The following VAPA variants were observed in gnomAD, a reference collection of about 807,000 sequenced individuals.
VAPA encodes vesicle-associated membrane protein-associated protein A.
VAPA carries 6 observed loss-of-function variants against 25.6 expected under a neutral mutation model. The ratio of observed to expected loss-of-function variants is 0.23; its 90% CI spans 0.13 to 0.46. The LOEUF (loss-of-function observed/expected upper bound fraction) is 0.46. Among genes scored for constraint, VAPA ranks in the 20% least tolerant of loss-of-function variants. The pLI, the probability that VAPA is intolerant of heterozygous loss-of-function variation, is 0.99. For missense variants in VAPA, 244 were observed against 302.1 expected (o/e 0.81, Z 1.43); for synonymous variants, 112 against 106.2 (o/e 1.05, Z -0.34).
chr18:9,945,085 A>C, intron 4 of VAPA: 1 of 1,426,570 alleles, frequency 7.0e-7, no homozygotes, highest in South Asian at 1.2e-5. Flanking sequence ...TAACAGACTT[A>C]GGAGTCTACT....
rs2069524109 is a variant in VAPA at position 9,954,471 on chromosome 18, A to C, written c.*260A>C. ...GCACATTGAGTCCTTTATGAAATTC[A>C]TAAATAAAGAATTGTTCTTTCTTTG... On this transcript the variant is annotated 3_prime_UTR_variant, in exon 6 of 6. Transcript: ENST00000400000. The C allele has an allele frequency of 5.8e-6, 2 of 344,912 alleles. No individual in the cohort carries two copies. Among genetic ancestry groups the C allele is most frequent in the South Asian group, 1.8e-4 (2 of 11,318 alleles). The allele number at this position is 344,912 out of a possible 1,614,324, so 21.4% of individuals were successfully genotyped here.
At chr18:9,925,083 G>T (rs528037019) in intron 1 of VAPA, 1 of 152,206 alleles carries the variant, frequency 6.6e-6, no homozygotes, top group Admixed American at 6.5e-5. Flanking sequence ...AGAAGTAAAA[G>T]ACATGGTCCC....
intron 2 of VAPA, among the ~76,000 whole-genome samples, chr18:9,935,822 ATTGT>A (rs2069304176): frequency 6.6e-6 from 1 of 152,210 alleles, no homozygotes; most frequent in African/African-American, 2.4e-5. Flanking sequence ...TTTAATTGTA[ATTGT>A]TTATTTTGTT....
In VAPA at chr18:9,922,604, C is replaced by T. The variant is rs999736794; in HGVS notation, c.79+8269C>T. On this transcript the variant is annotated intron_variant, in intron 1 of 5. Coordinates refer to ENST00000400000, the MANE Select transcript of VAPA (RefSeq NM_194434.3). ...ACCAGTCAAAATTTTGATGGCTCAC[C>T]TTGAAACACAACTATAAATAGATGG... Among the ~76,000 whole-genome samples, 5 of 152,134 alleles carry T rather than the reference C, an allele frequency of 3.3e-5. No homozygotes were observed. In the East Asian group the frequency reaches 9.7e-4, roughly 30 times the overall value.
intron 2 of VAPA, among the ~76,000 whole-genome samples, chr18:9,933,392 A>G (rs1390299207): frequency 1.3e-5 from 2 of 152,256 alleles, no homozygotes; most frequent in Admixed American, 6.5e-5. Flanking sequence ...GAGGCCTGGG[A>G]GGAGTGCTTT....
intron 2 of VAPA, among the ~76,000 whole-genome samples, chr18:9,932,330 G>A (rs903434307): frequency 6.6e-6 from 1 of 152,178 alleles, no homozygotes; most frequent in Non-Finnish European, 1.5e-5. Flanking sequence ...AGCTATAGAA[G>A]TGTCATAATT....
intron 1 of VAPA, 55 bp downstream of exon 1, chr18:9,914,390 T>G: frequency 6.7e-7 from 1 of 1,482,696 alleles, no homozygotes; most frequent in Non-Finnish European, 9.0e-7. Context: ...CCGCTGGCTG[T>G]CGGCGGGGGG....
intron 2 of VAPA, among the ~76,000 whole-genome samples, chr18:9,933,622 C>T (rs1425605298): frequency 2.6e-5 from 4 of 152,286 alleles, no homozygotes; most frequent in African/African-American, 9.6e-5. Context: ...ACTGCAACTT[C>T]CGCCTCCTGG....
intron 4 of VAPA, chr18:9,948,157 CAAAA>C (rs1383413714): frequency 2.0e-5 from 3 of 151,966 alleles, no homozygotes; most frequent in African/African-American, 7.3e-5. Flanking sequence ...AATTCAACAA[CAAAA>C]AAATCTAATT....
chr18:9,926,484 A>G (rs7241917), intron 1 of VAPA, among the ~76,000 whole-genome samples: 10,245 of 152,206 alleles, frequency 0.067, 585 homozygotes, highest in African/African-American at 0.15. Context: ...GCAGTTTTGT[A>G]GATGTTGGTA....
At chr18:9,949,197 C>T (rs941025156) in intron 4 of VAPA, 1 of 151,974 alleles carries the variant, frequency 6.6e-6, no homozygotes, top group African/African-American at 2.4e-5. Context: ...GGGTGAAGAA[C>T]AAAAAAGCTA....
rs2069589749 is a variant in VAPA at position 9,959,952 on chromosome 18, A to G, written c.*5741A>G. 1 of 151,612 alleles carries G rather than the reference A, an allele frequency of 6.6e-6. No individual in the cohort carries two copies. Among genetic ancestry groups the G allele is most frequent in the Non-Finnish European group, 1.5e-5 (1 of 67,936 alleles). 9.4% of individuals were successfully genotyped at this position (151,612 alleles called of 1,614,324 possible). ...ATATGAGGGTATTAAGCTACTTTGA[A>G]TTAAATTTAAGGATATATTTCACAT... On this transcript the variant is annotated 3_prime_UTR_variant, in exon 6 of 6. Transcript: ENST00000400000.
intron 3 of VAPA, 106 bp downstream of exon 3, chr18:9,936,319 AG>A (rs1857602046): frequency 2.9e-6 from 2 of 688,254 alleles, no homozygotes; most frequent in South Asian, 3.6e-5. Context: ...AGTTAAATTT[AG>A]GTTTTTAAAA....
intron 4 of VAPA, chr18:9,948,820 C>T (rs1390214502): frequency 2.0e-5 from 3 of 152,372 alleles, no homozygotes; most frequent in African/African-American, 7.2e-5. Context: ...CCATCTCGGC[C>T]TCCCAAAGTG....
intron 4 of VAPA, among the ~76,000 whole-genome samples, chr18:9,939,010 T>TA (rs2069339375): frequency 6.6e-6 from 1 of 152,166 alleles, no homozygotes; most frequent in Non-Finnish European, 1.5e-5. Flanking sequence ...AAAAAAGAGA[T>TA]AAAAGAGTTT....
intron 5 of VAPA, among the ~76,000 whole-genome samples, chr18:9,953,075 CTG>C: frequency 6.6e-6 from 1 of 152,226 alleles, no homozygotes; most frequent in Non-Finnish European, 1.5e-5. Context: ...ATAAAGACAA[CTG>C]TGTAGTTAAC....
rs1490403693 is a variant in VAPA at position 9,927,471 on chromosome 18, GTTCT to G, written c.80-4336_80-4333del. Among the ~76,000 whole-genome samples, 3 of 145,458 alleles carry G rather than the reference GTTCT, an allele frequency of 2.1e-5. No homozygotes were observed. The East Asian group carries it at 6.0e-4, about 29-fold the overall frequency. On this transcript the variant is annotated intron_variant, in intron 1 of 5. Coordinates refer to ENST00000400000, the MANE Select transcript of VAPA (RefSeq NM_194434.3). ...ACAGTTTTTAAGAACTGTTACAGTGGTTCTTTTTTTTTTTTTTTGATAGCTCTTC... is the reference window on the plus strand; with the variant it reads ...ACAGTTTTTAAGAACTGTTACAGTGGTTTTTTTTTTTTTTGATAGCTCTTC...
At chr18:9,943,769 T>A (rs2069389268) in intron 4 of VAPA, among the ~76,000 whole-genome samples, 1 of 151,636 alleles carries the variant, frequency 6.6e-6, no homozygotes, top group Non-Finnish European at 1.5e-5. Flanking sequence ...AACTCTGACA[T>A]TTTCTAAATT....
chr18:9,927,283 T>C (rs2069208583), intron 1 of VAPA, among the ~76,000 whole-genome samples: 1 of 152,088 alleles, frequency 6.6e-6, no homozygotes, highest in Non-Finnish European at 1.5e-5. Flanking sequence ...AGTGTTTATA[T>C]AATTATCTCA....
Sources: allele counts gnomAD v4.1 joint callset (sites outside exome capture counted in the v4.1 genomes callset), GRCh38; gene constraint gnomAD v4.1.1; transcripts MANE v1.5; gene names NCBI Gene and HGNC (gene_info 2026-07-23, HGNC 2026-07-21).